The following TRDN variants were observed in gnomAD, a reference collection of about 807,000 sequenced individuals.
TRDN encodes the protein triadin in skeletal muscle.
In TRDN, 161 loss-of-function variants were observed where a neutral mutation model predicts 149.7. That is an observed-to-expected ratio of 1.08 (90% confidence interval 0.95 to 1.23). TRDN has a LOEUF of 1.23. Among genes scored for constraint, TRDN ranks in the 50% most tolerant of loss-of-function variants. TRDN has a pLI of 0.00. For missense variants in TRDN, 896 were observed against 823.5 expected (o/e 1.09, Z -1.08); for synonymous variants, 294 against 250.5 (o/e 1.17, Z -1.64).
chr6:123,528,773 A>G, intron 5 of TRDN: 3 of 991,196 alleles, frequency 3.0e-6, no homozygotes, highest in Non-Finnish European at 3.6e-6. Flanking sequence ...CTAAGCAATA[A>G]AGTGAAATCT....
intron 33 of TRDN, 41 bp downstream of exon 33, chr6:123,265,277 T>A: frequency 7.3e-7 from 1 of 1,369,102 alleles, no homozygotes; most frequent in Non-Finnish European, 9.8e-7. Context: ...ATTAAAACAA[T>A]GAAATAGGAC....
At chr6:123,424,930 C>T (rs903013118) in intron 12 of TRDN, among the ~76,000 whole-genome samples, 2 of 152,006 alleles carry the variant, frequency 1.3e-5, no homozygotes, top group African/African-American at 2.4e-5. Context: ...GAAGAAAAAA[C>T]GTTCTCATTT....
At chr6:123,415,909 T>C (rs1773630990) in intron 12 of TRDN, among the ~76,000 whole-genome samples, 1 of 152,196 alleles carries the variant, frequency 6.6e-6, no homozygotes, top group African/African-American at 2.4e-5. Context: ...ATATTCTAGT[T>C]TTATATGTGC....
chr6:123,275,186 A>T (rs531395953), intron 26 of TRDN, among the ~76,000 whole-genome samples: 56 of 152,212 alleles, frequency 3.7e-4, no homozygotes, highest in African/African-American at 1.3e-3. Flanking sequence ...CCTAACCCCC[A>T]GTACCTAAGA....
At chr6:123,552,045 T>C (rs979886494) in intron 2 of TRDN, among the ~76,000 whole-genome samples, 3 of 152,140 alleles carry the variant, frequency 2.0e-5, no homozygotes, top group Non-Finnish European at 4.4e-5. Context: ...GAGTCCACGA[T>C]GACATTGCTA....
chr6:123,562,716 A>G (rs1782068132), intron 2 of TRDN, among the ~76,000 whole-genome samples: 1 of 152,246 alleles, frequency 6.6e-6, no homozygotes, highest in African/African-American at 2.4e-5. Flanking sequence ...ATTGGATTCT[A>G]AAAGATAAAA....
chr6:123,449,502 C>T (rs1775632264), intron 10 of TRDN, among the ~76,000 whole-genome samples: 1 of 151,980 alleles, frequency 6.6e-6, no homozygotes. Flanking sequence ...TGAATTAACC[C>T]AATCCAATAA....
At chr6:123,628,303 T>A (rs1405706515) in intron 1 of TRDN, among the ~76,000 whole-genome samples, 2 of 152,106 alleles carry the variant, frequency 1.3e-5, no homozygotes, top group African/African-American at 4.8e-5. Flanking sequence ...AATATTGTTG[T>A]GTCTCGGGGA....
intron 22 of TRDN, among the ~76,000 whole-genome samples, chr6:123,336,747 A>G (rs1779886663): frequency 6.6e-6 from 1 of 151,660 alleles, no homozygotes; most frequent in Non-Finnish European, 1.5e-5. Flanking sequence ...ACAAAAAATT[A>G]AGGTGAATAA....
intron 24 of TRDN, among the ~76,000 whole-genome samples, chr6:123,298,708 A>G (rs1239474615): frequency 3.3e-5 from 5 of 152,092 alleles, no homozygotes; most frequent in Admixed American, 2.6e-4. Context: ...TTACACTCCA[A>G]ATACACTTCT....
At chr6:123,438,540 A>T (rs372318635) in intron 11 of TRDN, among the ~76,000 whole-genome samples, 3 of 152,118 alleles carry the variant, frequency 2.0e-5, no homozygotes, top group Non-Finnish European at 4.4e-5. Flanking sequence ...AAAACAACCA[A>T]TTAAAATATA....
intron 12 of TRDN, among the ~76,000 whole-genome samples, chr6:123,410,758 T>C (rs910014108): frequency 2.0e-5 from 3 of 152,036 alleles, no homozygotes; most frequent in Admixed American, 1.3e-4. Flanking sequence ...TGAAATAGAA[T>C]GTGTAATTAA....
At chr6:123,394,235 C>A (rs538939981) in intron 12 of TRDN, among the ~76,000 whole-genome samples, 31 of 152,030 alleles carry the variant, frequency 2.0e-4, no homozygotes, top group African/African-American at 6.5e-4. Flanking sequence ...TTTCTTCCCT[C>A]TTGTTCTAAG....
At chr6:123,616,480 T>C (rs1583328921) in intron 1 of TRDN, among the ~76,000 whole-genome samples, 2 of 152,218 alleles carry the variant, frequency 1.3e-5, no homozygotes, top group Non-Finnish European at 2.9e-5. Context: ...AAATCTTTAA[T>C]TTTACATTTT....
At chr6:123,518,573 G>C in intron 5 of TRDN, among the ~76,000 whole-genome samples, 1 of 152,112 alleles carries the variant, frequency 6.6e-6, no homozygotes, top group East Asian at 1.9e-4. Context: ...TTTTCAGATT[G>C]ACGTGTGCAA....
Position 123,534,779 on chromosome 6 carries a change from G to A in TRDN, c.425-4214C>T, listed in dbSNP as rs958726379. On this transcript the variant is annotated intron_variant, in intron 4 of 40. Coordinates refer to ENST00000334268, the MANE Select transcript of TRDN (RefSeq NM_006073.4). ...TAATAATTTGCAAAGATAGGTGAAT[G>A]TCTCCACTTAATATAACATGAAATA... Among the ~76,000 whole-genome samples the A allele has an allele frequency of 2.4e-4, 37 of 152,232 alleles. 1 individual carries two copies. Among genetic ancestry groups the A allele is most frequent in the African/African-American group, 8.7e-4 (36 of 41,534 alleles).
At chr6:123,219,714 A>G (rs992688447) in intron 40 of TRDN, among the ~76,000 whole-genome samples, 3 of 151,804 alleles carry the variant, frequency 2.0e-5, no homozygotes, top group African/African-American at 7.3e-5. Context: ...ATCTTTTCCA[A>G]TGCATCTCAT....
At chr6:123,447,850 C>T (rs1304175416) in intron 10 of TRDN, among the ~76,000 whole-genome samples, 1 of 152,042 alleles carries the variant, frequency 6.6e-6, no homozygotes, top group Non-Finnish European at 1.5e-5. Flanking sequence ...CAAGAGGACC[C>T]ACAGACCCTC....
intron 1 of TRDN, among the ~76,000 whole-genome samples, chr6:123,614,213 G>C (rs999996720): frequency 7.1e-6 from 1 of 141,590 alleles, no homozygotes; most frequent in Non-Finnish European, 1.5e-5. Flanking sequence ...CTGTAGGTAT[G>C]TATAAATCAC....
Sources: gnomAD v4.1 joint callset for allele counts (sites outside exome capture counted in the v4.1 genomes callset) on GRCh38, gnomAD v4.1.1 for gene constraint, MANE v1.5 for transcripts, NCBI Gene and HGNC (gene_info 2026-07-23, HGNC 2026-07-21) for gene names.